The following PGBD2 variants were observed in gnomAD, a reference collection of about 807,000 sequenced individuals.
The protein encoded by PGBD2 is piggyBac transposable element derived 2.
In PGBD2, 6 loss-of-function variants were observed where a neutral mutation model predicts 8.1. That is an observed-to-expected ratio of 0.74 (90% CI 0.40 to 1.46). PGBD2 has a LOEUF of 1.46. Ranked by LOEUF, PGBD2 falls within the 40% of genes most tolerant of loss-of-function variation. The pLI is 0.02. For synonymous variants in PGBD2, 318 were observed against 272.2 expected (o/e 1.17, Z -1.66); for missense variants, 802 against 739.0 (o/e 1.09, Z -0.99).
the PGBD2 span, among the ~76,000 whole-genome samples, chr1:248,929,237 C>G: frequency 1.3e-5 from 2 of 152,104 alleles, no homozygotes; most frequent in Non-Finnish European, 2.9e-5. Context: ...TATAACTGAT[C>G]TCAAAACATC....
chr1:248,916,146 G>T (rs1662088549), intron 2 of PGBD2, among the ~76,000 whole-genome samples: 1 of 152,204 alleles, frequency 6.6e-6, no homozygotes, highest in African/African-American at 2.4e-5. Flanking sequence ...GGGTGCCATG[G>T]CTCACGCCTG....
At chr1:248,905,871 C>T (rs754262817), upstream of PGBD2, among the ~76,000 whole-genome samples, 6 of 152,206 alleles carry the variant, frequency 3.9e-5, no homozygotes, top group African/African-American at 7.2e-5. Context: ...GAGTTTCTTA[C>T]TCAGAAGGCC....
chr1:248,910,647 A>G (rs575523919), intron 1 of PGBD2, among the ~76,000 whole-genome samples: 1 of 152,326 alleles, frequency 6.6e-6, no homozygotes, highest in South Asian at 2.1e-4. Context: ...CACACCTGGC[A>G]TCTGCCTGCA....
At chr1:248,874,856 C>T in the PGBD2 span, among the ~76,000 whole-genome samples, 1 of 150,854 alleles carries the variant, frequency 6.6e-6, no homozygotes, top group South Asian at 2.1e-4. Flanking sequence ...TATTTTGTCA[C>T]ATTCTCTCTC....
chr1:248,878,202 C>T, the PGBD2 span, among the ~76,000 whole-genome samples: 1 of 147,782 alleles, frequency 6.8e-6, no homozygotes, highest in Non-Finnish European at 1.5e-5. Flanking sequence ...TTTTTTGAGA[C>T]GGAGTCTCGC....
chr1:248,907,145 G>GTGA (rs1661676318), intron 1 of PGBD2, among the ~76,000 whole-genome samples: 1 of 152,198 alleles, frequency 6.6e-6, no homozygotes, highest in African/African-American at 2.4e-5. Context: ...GGAGAGCAGG[G>GTGA]TGATAAGGAG....
At position 248,918,985 on chromosome 1, in the gene PGBD2, A is replaced by T. The variant is rs900331709; in HGVS notation, c.*622A>T. 46 of 167,124 alleles carry T rather than the reference A, an allele frequency of 2.8e-4. No individual in the cohort carries two copies. The highest frequency in any genetic ancestry group is 1.1e-3 in the African/African-American group (46 of 41,552). 10.4% of individuals were successfully genotyped at this position (167,124 alleles called of 1,614,324 possible). Reference sequence around the variant, plus strand: ...GGGTACATAGTAGGAGTGTATTTTTATGGGTTACATGAGATATTCTGATAC... The same window carrying T: ...GGGTACATAGTAGGAGTGTATTTTTTTGGGTTACATGAGATATTCTGATAC... On this transcript the variant is annotated 3_prime_UTR_variant, in exon 3 of 3. Coordinates refer to ENST00000329291, the MANE Select transcript of PGBD2 (RefSeq NM_170725.3).
chr1:248,905,933 C>T (rs1237266072), upstream of PGBD2, among the ~76,000 whole-genome samples: 1 of 152,176 alleles, frequency 6.6e-6, no homozygotes, highest in African/African-American at 2.4e-5. Flanking sequence ...GGTGAAGCTG[C>T]TGTTAGATTG....
chr1:248,913,797 G>T lies in PGBD2; in HGVS notation c.-47-19G>T. ...TTAAGATACAATTTTTTTTTAAATT[G>T]ACTTTTCTTGTCTTACAGGTTCTTA... On this transcript the variant is annotated intron_variant, in intron 1 of 2. Transcript: ENST00000329291. 2.3e-6 allele frequency: 3 copies of T among 1,314,416 alleles called. No individual in the cohort carries two copies. The highest frequency in any genetic ancestry group is 2.5e-5 in the South Asian group (2 of 80,976). 81.4% of individuals were successfully genotyped at this position (1,314,416 alleles called of 1,614,324 possible). A position where few individuals can be genotyped will look rare whatever the true frequency, so the allele number is the denominator to read the frequency against.
At chr1:248,902,536 A>G (rs1384639020), upstream of PGBD2, among the ~76,000 whole-genome samples, 1 of 152,226 alleles carries the variant, frequency 6.6e-6, no homozygotes, top group African/African-American at 2.4e-5. Context: ...TGATAAAGAT[A>G]CCATGCATGC....
At chr1:248,929,772 G>A in the PGBD2 span, among the ~76,000 whole-genome samples, 1 of 152,200 alleles carries the variant, frequency 6.6e-6, no homozygotes, top group Non-Finnish European at 1.5e-5. Flanking sequence ...ATGACAGAAT[G>A]AAAGGTGAGG....
At position 248,906,338 on chromosome 1, in the gene PGBD2, G is replaced by A. The variant is rs1661634743; in HGVS notation, c.-52G>A. 1 of 152,120 alleles carries A rather than the reference G, an allele frequency of 6.6e-6. No individual in the cohort carries two copies. Among genetic ancestry groups the A allele is most frequent in the Admixed American group, 6.5e-5 (1 of 15,280 alleles). The allele number at this position is 152,120 out of a possible 1,614,324, so 9.4% of individuals were successfully genotyped here. A position where few individuals can be genotyped will look rare whatever the true frequency, so the allele number is the denominator to read the frequency against. ...GCTCGCGAGTCTCCGTCTGGGGTAG[G>A]GCAGGTAGGCCTCAGTGTGCTCGCG... On this transcript the variant is annotated 5_prime_UTR_variant, in exon 1 of 3. Transcript: ENST00000329291.
chr1:248,901,629 A>G (rs9970885), upstream of PGBD2, among the ~76,000 whole-genome samples: 6,544 of 152,310 alleles, frequency 0.043, 371 homozygotes, highest in East Asian at 0.15. Context: ...ATCCAAAACT[A>G]TAAAAACCCA....
rs1448651266 is a variant in PGBD2, at chr1:248,917,669, T to C, written c.1085T>C (p.Ile362Thr). ...TTCACAAGTGTTAAACTGATGTCCA[T>C]TTTGAGGAAAAAGGGGGTGAAAGCC... ...KVFTSVKLMSILRKKGVKATG... is the reference protein window; with the variant it reads ...KVFTSVKLMSTLRKKGVKATG... The change falls in exon 3 of 3, where the codon ATT becomes ACT. Residue 362 changes from isoleucine (I) to threonine (T), a missense_variant. Ile to Thr is a moderately conservative substitution (Grantham distance 89). Coordinates refer to ENST00000329291, the MANE Select transcript of PGBD2 (RefSeq NM_170725.3). 1.9e-6 allele frequency: 3 copies of C among 1,614,106 alleles called. No individual in the cohort carries two copies. The highest frequency in any genetic ancestry group is 2.5e-6 in the Non-Finnish European group (3 of 1,180,040).
chr1:248,919,722 C>G (rs1300423231), downstream of PGBD2: 2 of 166,450 alleles, frequency 1.2e-5, no homozygotes, highest in East Asian at 1.9e-4. Context: ...TTCAAGGGTT[C>G]CCTTTTCTCC....
At chr1:248,919,345 C>A (rs1208865149), downstream of PGBD2, 1 of 166,706 alleles carries the variant, frequency 6.0e-6, no homozygotes, top group African/African-American at 2.4e-5. Context: ...TGAAGTTTGT[C>A]TGTCTTTGCT....
At chr1:248,915,364 T>C (rs781674898) in intron 2 of PGBD2, among the ~76,000 whole-genome samples, 5 of 152,258 alleles carry the variant, frequency 3.3e-5, no homozygotes, top group Non-Finnish European at 7.3e-5. Context: ...TCAGTACCCA[T>C]ACTGTCACTC....
At chr1:248,876,861 G>T in the PGBD2 span, among the ~76,000 whole-genome samples, 5,886 of 152,146 alleles carry the variant, frequency 0.039, 381 homozygotes, top group African/African-American at 0.13. Flanking sequence ...TTCTAGTAAA[G>T]TTTTCTAATA....
the PGBD2 span, among the ~76,000 whole-genome samples, chr1:248,890,660 C>T: frequency 3.3e-5 from 5 of 151,574 alleles, no homozygotes; most frequent in African/African-American, 1.2e-4. Context: ...CATACCACAC[C>T]TCACAGATAC....
Sources: gnomAD v4.1 joint callset for allele counts (sites outside exome capture counted in the v4.1 genomes callset) on GRCh38, gnomAD v4.1.1 for gene constraint, MANE v1.5 for transcripts, NCBI Gene and HGNC (gene_info 2026-07-23, HGNC 2026-07-21) for gene names.